Variants in SLC41A2 observed in about 807,000 individuals in gnomAD.
SLC41A2 encodes solute carrier family 41 member 2.
SLC41A2 carries 32 observed loss-of-function variants against 58.3 expected under a neutral mutation model. That is an observed-to-expected ratio of 0.55 (90% CI 0.41 to 0.74). The LOEUF is 0.74. Among genes scored for constraint, SLC41A2 ranks in the 30% least tolerant of loss-of-function variants. SLC41A2 has a pLI of 0.00. For missense variants in SLC41A2, 514 were observed against 680.6 expected, an observed-to-expected ratio of 0.76 and a Z score of 2.72; for synonymous variants, 190 against 235.0, an observed-to-expected ratio of 0.81 and a Z score of 1.75.
intron 10 of SLC41A2, among the ~76,000 whole-genome samples, chr12:104,820,543 T>C (rs2041587049): frequency 1.3e-5 from 2 of 152,234 alleles, no homozygotes; most frequent in African/African-American, 4.8e-5. Flanking sequence ...GCAGAGTAGA[T>C]AAGTTAACAA....
intron 2 of SLC41A2, among the ~76,000 whole-genome samples, chr12:104,926,920 TAAAA>T (rs199955785): frequency 3.3e-5 from 5 of 151,396 alleles, no homozygotes; most frequent in African/African-American, 9.7e-5. Flanking sequence ...ACCTTGTCTC[TAAAA>T]AAAAATTTTT....
intron 2 of SLC41A2, 111 bp from the exon 3 acceptor site, chr12:104,909,873 G>T: frequency 1.5e-6 from 1 of 654,176 alleles, no homozygotes; most frequent in East Asian, 2.9e-5. Context: ...TCTACATTTT[G>T]AATAACCACA....
At chr12:104,810,524 G>C (rs1404774061) in intron 10 of SLC41A2, among the ~76,000 whole-genome samples, 1 of 152,054 alleles carries the variant, frequency 6.6e-6, no homozygotes, top group East Asian at 1.9e-4. Flanking sequence ...TATTTGCCCT[G>C]AATGATTTTT....
At chr12:104,824,592 C>T (rs188579963) in intron 10 of SLC41A2, among the ~76,000 whole-genome samples, 71 of 152,286 alleles carry the variant, frequency 4.7e-4, no homozygotes, top group African/African-American at 1.6e-3. Context: ...TACAGAAAGC[C>T]CTCTGTCCTT....
At chr12:104,835,449 TCTGG>T (rs1298903262) in intron 10 of SLC41A2, among the ~76,000 whole-genome samples, 1 of 152,226 alleles carries the variant, frequency 6.6e-6, no homozygotes, top group Non-Finnish European at 1.5e-5. Context: ...CCAGGAAATT[TCTGG>T]CTGTTTTCCA....
intron 8 of SLC41A2, 150 bp from the exon 9 acceptor site, chr12:104,846,124 G>T: frequency 1.3e-6 from 1 of 757,774 alleles, no homozygotes; most frequent in Non-Finnish European, 2.1e-6. Context: ...TAATGTTGAA[G>T]TAGACATTCC....
chr12:104,816,116 C>T (rs2041391572), intron 10 of SLC41A2, among the ~76,000 whole-genome samples: 1 of 152,024 alleles, frequency 6.6e-6, no homozygotes, highest in Non-Finnish European at 1.5e-5. Context: ...TTCCAAAGCC[C>T]ACACTGCTTC....
intron 1 of SLC41A2, among the ~76,000 whole-genome samples, chr12:104,940,520 T>A (rs76931339): frequency 0.05 from 4,832 of 96,424 alleles, 118 homozygotes; most frequent in East Asian, 0.13. Context: ...AATAAAAAAA[T>A]AAAATATAAG....
Position 104,866,444 on chromosome 12 carries a change from A to G in SLC41A2, c.1163T>C (p.Met388Thr). The G allele has an allele frequency of 6.2e-7, 1 of 1,612,728 alleles. No homozygotes were observed. Residue 388 changes from methionine (M) to threonine (T), a missense_variant, in exon 7 of 11, where the codon ATG (methionine) becomes ACG (threonine). Around this residue, in one of 3 missense-constraint regions of SLC41A2, gnomAD observed 50 missense variants for 104.5 expected, o/e 0.48. Coordinates refer to ENST00000258538, the MANE Select transcript of SLC41A2 (RefSeq NM_001352171.3). ...HSGWEPVITA[M>T]VISSIGGLIL... ...TTTTAATACTAACCTACTTATAACC[A>G]TAGCTGTTATGACAGGCTCCCAGCC...
intron 3 of SLC41A2, among the ~76,000 whole-genome samples, chr12:104,903,370 C>A (rs1471739043): frequency 6.6e-6 from 1 of 152,222 alleles, no homozygotes; most frequent in Non-Finnish European, 1.5e-5. Context: ...GCCTCTGGCT[C>A]ATCCCCTAAA....
At chr12:104,810,754 CACAGA>C (rs2041138493) in intron 10 of SLC41A2, among the ~76,000 whole-genome samples, 1 of 152,136 alleles carries the variant, frequency 6.6e-6, no homozygotes, top group South Asian at 2.1e-4. Flanking sequence ...ATGTAGTTGT[CACAGA>C]GAGCATATGG....
At chr12:104,833,861 T>C (rs1471483977) in intron 10 of SLC41A2, among the ~76,000 whole-genome samples, 2 of 151,922 alleles carry the variant, frequency 1.3e-5, no homozygotes, top group East Asian at 1.9e-4. Flanking sequence ...ATTTCCTGAG[T>C]AATTATTTTT....
intron 10 of SLC41A2, among the ~76,000 whole-genome samples, chr12:104,831,665 T>A (rs1422309512): frequency 6.6e-6 from 1 of 152,224 alleles, no homozygotes; most frequent in Non-Finnish European, 1.5e-5. Flanking sequence ...GTTTAATCTC[T>A]CCAACTGATA....
chr12:104,937,894 G>C (rs188822840), intron 1 of SLC41A2, among the ~76,000 whole-genome samples: 4 of 152,300 alleles, frequency 2.6e-5, no homozygotes, highest in Non-Finnish European at 5.9e-5. Context: ...TGTGAACAAG[G>C]ATGTAAGCAG....
intron 10 of SLC41A2, among the ~76,000 whole-genome samples, chr12:104,838,440 T>C (rs2042287626): frequency 6.6e-6 from 1 of 152,216 alleles, no homozygotes; most frequent in African/African-American, 2.4e-5. Flanking sequence ...ATGAGTCTGT[T>C]GGAAAATATG....
chr12:104,942,129 T>C (rs577398476), intron 1 of SLC41A2, among the ~76,000 whole-genome samples: 1 of 152,196 alleles, frequency 6.6e-6, no homozygotes, highest in African/African-American at 2.4e-5. Flanking sequence ...TCTTAAACAT[T>C]TCTTACATGT....
intron 10 of SLC41A2, chr12:104,833,904 TA>T: frequency 2.0e-6 from 1 of 496,960 alleles, no homozygotes; most frequent in Non-Finnish European, 2.6e-6. Flanking sequence ...CACTCAGTTA[TA>T]AGATTTTTTT....
At chr12:104,837,605 T>G (rs964684007) in intron 10 of SLC41A2, among the ~76,000 whole-genome samples, 13 of 152,082 alleles carry the variant, frequency 8.5e-5, no homozygotes, top group Non-Finnish European at 1.5e-4. Flanking sequence ...TATGTGAAGC[T>G]TAGGGCAGTC....
In SLC41A2 at chr12:104,803,014, A is replaced by G. The variant is rs1316731672; in HGVS notation, c.*2138T>C. On this transcript the variant is annotated 3_prime_UTR_variant, in exon 11 of 11. Coordinates refer to ENST00000258538, the MANE Select transcript of SLC41A2 (RefSeq NM_001352171.3). ...TCCTCTGCTGTAAAATAGAGATAGG[A>G]ATATCCATCTGATATATTTCACAGG... is the stretch of plus-strand genomic sequence containing the variant. The G allele has an allele frequency of 1.3e-5, 2 of 152,172 alleles. No homozygotes were observed. Among genetic ancestry groups the G allele is most frequent in the African/African-American group, 2.4e-5 (1 of 41,444 alleles). The allele number at this position is 152,172 out of a possible 1,614,324, so 9.4% of individuals were successfully genotyped here.
Sources: gnomAD v4.1 joint callset for allele counts (sites outside exome capture counted in the v4.1 genomes callset) on GRCh38, gnomAD v4.1.1 for gene constraint, gnomAD v4.1.1 regional missense constraint, MANE v1.5 for transcripts, NCBI Gene and HGNC (gene_info 2026-07-23, HGNC 2026-07-21) for gene names.